NKAP: variants seen among roughly 807,000 people sequenced by gnomAD.
The protein encoded by NKAP is NFKB activating protein.
A neutral mutation model predicts 35.6 loss-of-function variants in NKAP; 4 were observed. That is an observed-to-expected ratio of 0.11 (90% CI 0.06 to 0.26). The LOEUF is 0.26. NKAP is among the 10% of genes least tolerant of loss of function. The pLI, the probability that NKAP is intolerant of heterozygous loss-of-function variation, is 1.00. For missense variants in NKAP, 238 were observed against 321.9 expected, an observed-to-expected ratio of 0.74 and a Z score of 1.99; for synonymous variants, 106 against 119.2, an observed-to-expected ratio of 0.89 and a Z score of 0.72.
chrX:119,939,068 C>A (rs773283906), intron 1 of NKAP, among the ~76,000 whole-genome samples: 2 of 112,251 alleles, frequency 1.8e-5, no homozygotes, highest in South Asian at 7.4e-4. Context: ...CAGCTCTTAA[C>A]TGCTCATTTC....
chrX:119,932,017 T>A lies in NKAP; in HGVS notation c.848-6A>T. 8.3e-7 allele frequency: 1 copy of A among 1,203,190 alleles called. No individual in the cohort carries two copies. Among genetic ancestry groups the A allele is most frequent in the African/African-American group, 1.7e-5 (1 of 57,646 alleles). On this transcript the variant is annotated splice_polypyrimidine_tract_variant and splice_region_variant and intron_variant, in intron 6 of 8. Transcript: ENST00000371410. The stretch of plus-strand genomic sequence containing the variant: ...ATCTGATGGTTCTTCAGCCTCTGCA[T>A]GAAAGATATTAAGAAACACATTCAC...
At position 119,920,704 on chromosome X, in the gene NKAP, T is replaced by A. The variant is rs943231389; in HGVS notation, c.*4516A>T. 8 of 628,629 alleles carry A rather than the reference T, an allele frequency of 1.3e-5. No individual in the cohort carries two copies. In the Admixed American group the frequency reaches 2.8e-4, roughly 22 times the overall value. The allele number at this position is 628,629 out of a possible 1,213,427, so 51.8% of individuals were successfully genotyped here. A position where few individuals can be genotyped will look rare whatever the true frequency, so the allele number is the denominator to read the frequency against. ...ACAGAATATTTATTGAGTAATAAAC[T>A]TGTGGCACACAATCCAGCTGTATTT... On this transcript the variant is annotated 3_prime_UTR_variant, in exon 9 of 9. Transcript: ENST00000371410.
At chrX:119,929,818 G>C (rs2056732028) in intron 8 of NKAP, among the ~76,000 whole-genome samples, 198 bp downstream of exon 8, 1 of 112,218 alleles carries the variant, frequency 8.9e-6, no homozygotes, top group South Asian at 3.6e-4. Flanking sequence ...AGCTGAGTTT[G>C]AGGCTGAGTT....
chrX:119,935,233 TA>T (rs2056761222), intron 4 of NKAP, among the ~76,000 whole-genome samples: 1 of 111,429 alleles, frequency 9.0e-6, no homozygotes, highest in African/African-American at 3.3e-5. Flanking sequence ...AGGTGACTCT[TA>T]AAGTAGTTCT....
rs749147525 is a variant in NKAP at position 119,921,065 on chromosome X, C to T, written c.*4155G>A. The T allele has an allele frequency of 8.8e-6, 1 of 113,467 alleles. No individual in the cohort carries two copies. Among genetic ancestry groups the T allele is most frequent in the South Asian group, 3.6e-4 (1 of 2,757 alleles). 9.4% of individuals were successfully genotyped at this position (113,467 alleles called of 1,213,427 possible). A position where few individuals can be genotyped will look rare whatever the true frequency, so the allele number is the denominator to read the frequency against. On this transcript the variant is annotated 3_prime_UTR_variant, in exon 9 of 9. Coordinates refer to ENST00000371410, the MANE Select transcript of NKAP (RefSeq NM_024528.4). ...CCCTACTCACAGACCCCTTCATTTA[C>T]TGGGAGTTAAGCCTCACTGCTAAAT...
chrX:119,925,935 T>TTTTG (rs1556402589), intron 8 of NKAP, among the ~76,000 whole-genome samples: 8 of 74,571 alleles, frequency 1.1e-4, no homozygotes, highest in African/African-American at 3.9e-4. Context: ...TTTTCTTTTT[T>TTTTG]TTTTTTTTTT....
At chrX:119,943,186 C>T in intron 1 of NKAP, 34 bp downstream of exon 1, 3 of 1,151,696 alleles carry the variant, frequency 2.6e-6, no homozygotes, top group Non-Finnish European at 3.5e-6. Flanking sequence ...GGCACGTAGG[C>T]TCGTACAAGA....
At chrX:119,933,898 G>A (rs182105610) in intron 5 of NKAP, among the ~76,000 whole-genome samples, 177 of 110,045 alleles carry the variant, frequency 1.6e-3, no homozygotes, top group African/African-American at 5.7e-3. Flanking sequence ...CCGAGATCGC[G>A]CCACTGCACT....
At position 119,920,794 on chromosome X, in the gene NKAP, T is replaced by C. The variant is rs747551487; in HGVS notation, c.*4426A>G. ...CATTAGCAGAGTAACCAGTAAGTTG[T>C]TTTCTATTTTCTAAAGTATTTTTTT... On this transcript the variant is annotated 3_prime_UTR_variant, in exon 9 of 9. Coordinates refer to ENST00000371410, the MANE Select transcript of NKAP (RefSeq NM_024528.4). 2.4e-4 allele frequency: 75 copies of C among 308,033 alleles called. No individual in the cohort carries two copies. The highest frequency in any genetic ancestry group is 3.4e-4 in the Non-Finnish European group (60 of 176,007). 25.4% of individuals were successfully genotyped at this position (308,033 alleles called of 1,213,427 possible).
chrX:119,933,394 G>T (rs758164646), intron 5 of NKAP, among the ~76,000 whole-genome samples: 1 of 111,454 alleles, frequency 9.0e-6, no homozygotes, highest in East Asian at 2.8e-4. Flanking sequence ...CTGTTAATAT[G>T]ACAAAAAGTG....
intron 7 of NKAP, 99 bp downstream of exon 7, chrX:119,931,837 G>T: frequency 1.5e-6 from 1 of 660,549 alleles, no homozygotes; most frequent in Non-Finnish European, 2.4e-6. Context: ...GGAACCTGGA[G>T]TAGAAATAAG....
intron 1 of NKAP, 100 bp downstream of exon 1, chrX:119,943,120 G>T: frequency 9.7e-7 from 1 of 1,035,235 alleles, no homozygotes; most frequent in Non-Finnish European, 1.3e-6. Context: ...AAGGCAAGCA[G>T]AGTGAGCGAA....
intron 2 of NKAP, 113 bp from the exon 3 acceptor site, chrX:119,936,795 C>T (rs1332688494): frequency 1.8e-6 from 1 of 548,400 alleles, no homozygotes; most frequent in East Asian, 3.7e-5. Context: ...GTCCAAGAAC[C>T]ATTAAAAGCA....
At chrX:119,930,417 G>T (rs2056734466) in intron 7 of NKAP, among the ~76,000 whole-genome samples, 1 of 112,274 alleles carries the variant, frequency 8.9e-6, no homozygotes, top group African/African-American at 3.2e-5. Context: ...GAAAAGAACT[G>T]CTGTGAGTAT....
rs2056686515 is a variant in NKAP, at chrX:119,921,110, A to G, written c.*4110T>C. The G allele has an allele frequency of 8.9e-6, 1 of 112,549 alleles. No individual in the cohort carries two copies. The highest frequency in any genetic ancestry group is 1.9e-5 in the Non-Finnish European group (1 of 53,594). The allele number at this position is 112,549 out of a possible 1,213,427, so 9.3% of individuals were successfully genotyped here. Reference sequence around the variant, plus strand: ...CTAAATAATATATTTTGAAACTGGAAAACTGGGCATGCTGCCTTCCACAAT... The same window carrying G: ...CTAAATAATATATTTTGAAACTGGAGAACTGGGCATGCTGCCTTCCACAAT... On this transcript the variant is annotated 3_prime_UTR_variant, in exon 9 of 9. Transcript: ENST00000371410.
At chrX:119,942,587 C>A (rs1450137865) in intron 1 of NKAP, among the ~76,000 whole-genome samples, 4 of 111,949 alleles carry the variant, frequency 3.6e-5, no homozygotes, top group Non-Finnish European at 7.5e-5. Flanking sequence ...ACTGAGACCA[C>A]TTAACAAGAC....
At position 119,922,300 on chromosome X, in the gene NKAP, C is replaced by T. The variant is rs1323412729; in HGVS notation, c.*2920G>A. ...GCAACTACAATTAGGTATAAATAAA[C>T]AGAAATCATTTCAAATTCAGGGGTC... is the stretch of plus-strand genomic sequence containing the variant. On this transcript the variant is annotated 3_prime_UTR_variant, in exon 9 of 9. Transcript: ENST00000371410. The T allele has an allele frequency of 1.8e-5, 2 of 112,216 alleles. No homozygotes were observed. Among genetic ancestry groups the T allele is most frequent in the African/African-American group, 6.5e-5 (2 of 30,983 alleles). 9.2% of individuals were successfully genotyped at this position (112,216 alleles called of 1,213,427 possible). A position where few individuals can be genotyped will look rare whatever the true frequency, so the allele number is the denominator to read the frequency against.
intron 5 of NKAP, 189 bp from the exon 6 acceptor site, chrX:119,932,405 A>G (rs2147846492): frequency 2.9e-6 from 1 of 349,738 alleles, no homozygotes; most frequent in South Asian, 5.9e-5. Context: ...TTACTTAAAA[A>G]AATCTGCTTC....
Position 119,921,728 on chromosome X carries a change from T to C in NKAP, c.*3492A>G, listed in dbSNP as rs1403867164. ...GAAGCTGTTCTTGATGTCACAATAT[T>C]CATATATCGCAGAATTTCTGCATTT... On this transcript the variant is annotated 3_prime_UTR_variant, in exon 9 of 9. Coordinates refer to ENST00000371410, the MANE Select transcript of NKAP (RefSeq NM_024528.4). 1 of 110,783 alleles carries C rather than the reference T, an allele frequency of 9.0e-6. No homozygotes were observed. The highest frequency in any genetic ancestry group is 2.8e-4 in the East Asian group (1 of 3,580). 9.1% of individuals were successfully genotyped at this position (110,783 alleles called of 1,213,427 possible).
Sources: gnomAD v4.1 joint callset for allele counts (sites outside exome capture counted in the v4.1 genomes callset) on GRCh38, gnomAD v4.1.1 for gene constraint, MANE v1.5 for transcripts, NCBI Gene and HGNC (gene_info 2026-07-23, HGNC 2026-07-21) for gene names.